The following RBFOX1 variants were observed in gnomAD, a reference collection of about 807,000 sequenced individuals.
RBFOX1 encodes the protein RNA binding fox-1 homolog 1.
Under a neutral mutation model 57.7 loss-of-function variants are expected in RBFOX1, and 8 were observed. The ratio of observed to expected loss-of-function variants is 0.14; its 90% CI spans 0.08 to 0.25. The LOEUF (loss-of-function observed/expected upper bound fraction) is 0.25, where lower values mean the gene tolerates loss of function less well. RBFOX1 is among the 10% of genes least tolerant of loss of function. The probability of loss-of-function intolerance (pLI) is 1.00; values close to 1 mark genes in which losing one functional copy is unlikely to be tolerated. For synonymous variants in RBFOX1, 326 were observed against 222.4 expected, an observed-to-expected ratio of 1.47 and a Z score of -4.15; for missense variants, 611 against 548.5, an observed-to-expected ratio of 1.11 and a Z score of -1.14.
Position 6,097,811 on chromosome 16 carries a change from T to G in RBFOX1, c.-127+77819T>G, listed in dbSNP as rs958574959. On this transcript the variant is annotated intron_variant, in intron 1 of 15. Transcript: ENST00000550418. The surrounding 1 kb of genome is among the most constrained non-coding windows in gnomAD (Gnocchi z 5.0). ...CCAAAATTCTTATTTATTTATTTTC[T>G]ATCACCGTACTTACTGGTGGAGTGG... Among the ~76,000 whole-genome samples, 4 of 152,098 alleles carry G rather than the reference T, an allele frequency of 2.6e-5. No homozygotes were observed. The highest frequency in any genetic ancestry group is 4.8e-5 in the African/African-American group (2 of 41,400).
At chr16:7,062,424 C>T (rs931835038) in intron 4 of RBFOX1, among the ~76,000 whole-genome samples, 1 of 151,654 alleles carries the variant, frequency 6.6e-6, no homozygotes, top group African/African-American at 2.4e-5. Context: ...TTACCCTGTG[C>T]TTGTATGTGG....
At chr16:7,241,950 C>T (rs147387998) in intron 4 of RBFOX1, among the ~76,000 whole-genome samples, 5 of 151,920 alleles carry the variant, frequency 3.3e-5, no homozygotes, top group African/African-American at 1.2e-4. Context: ...TCTGCATATG[C>T]GTGTGTATAT....
intron 4 of RBFOX1, among the ~76,000 whole-genome samples, chr16:7,313,297 G>T (rs1451207955): frequency 1.3e-5 from 2 of 151,992 alleles, no homozygotes; most frequent in African/African-American, 4.8e-5. Flanking sequence ...TCCCCCTAAG[G>T]GTTTGCAATG....
rs200340078 is a variant in RBFOX1, at chr16:6,621,188, G to A, written c.-63-33415G>A. ...TATAAAAACACTAGTCAGGCCGGGCGCGGTGGCTCACGCCTGTATTCCCAG... is the reference window on the plus strand; with the variant it reads ...TATAAAAACACTAGTCAGGCCGGGCACGGTGGCTCACGCCTGTATTCCCAG... On this transcript the variant is annotated intron_variant, in intron 2 of 15. Transcript: ENST00000550418. Among the ~76,000 whole-genome samples, 59 of 152,300 alleles carry A rather than the reference G, an allele frequency of 3.9e-4. No homozygotes were observed. In the East Asian group the frequency reaches 7.5e-3, roughly 19 times the overall value.
At chr16:6,957,152 G>C (rs987770238) in intron 3 of RBFOX1, among the ~76,000 whole-genome samples, 7 of 55,160 alleles carry the variant, frequency 1.3e-4, no homozygotes, top group Admixed American at 2.9e-4. Flanking sequence ...TTATTTTTGA[G>C]ATGGAGTCTT....
chr16:6,962,429 C>G (rs1422990248), intron 3 of RBFOX1, among the ~76,000 whole-genome samples: 2 of 152,162 alleles, frequency 1.3e-5, no homozygotes, highest in Non-Finnish European at 2.9e-5. Context: ...ACCTGTGCAA[C>G]TTTTTCTGTT....
At chr16:6,571,996 A>G (rs2153952933) in intron 2 of RBFOX1, among the ~76,000 whole-genome samples, 1 of 152,270 alleles carries the variant, frequency 6.6e-6, no homozygotes, top group South Asian at 2.1e-4. Flanking sequence ...AGCCTTTCAC[A>G]TTTTTATACC....
In RBFOX1 at chr16:5,390,413, T is replaced by C. The variant is rs187232467; in HGVS notation, c.220-76803T>C. The stretch of plus-strand genomic sequence containing the variant: ...AAGCGATTCTCCTGCCTCAGCCTCC[T>C]GAGTAGCTGGGATTACAGGCGCCCA... On this transcript the variant is annotated intron_variant, in intron 1 of 2. Coordinates refer to the RBFOX1 transcript ENST00000585867. Among the ~76,000 whole-genome samples, 1,178 of 151,728 alleles carry C rather than the reference T, an allele frequency of 7.8e-3. 19 individuals carry two copies. The highest frequency in any genetic ancestry group is 0.026 in the African/African-American group (1,091 of 41,348).
intron 2 of RBFOX1, among the ~76,000 whole-genome samples, chr16:5,585,711 G>A (rs2046808576): frequency 6.6e-6 from 1 of 152,224 alleles, no homozygotes; most frequent in South Asian, 2.1e-4. Flanking sequence ...GACCACTGCA[G>A]CATTTATGCA....
At chr16:7,084,601 A>C (rs1378575593) in intron 4 of RBFOX1, among the ~76,000 whole-genome samples, 2 of 152,182 alleles carry the variant, frequency 1.3e-5, no homozygotes, top group Admixed American at 6.5e-5. Flanking sequence ...TGTGAGAGGT[A>C]TAAAGGATTT....
At position 6,182,853 on chromosome 16, in the gene RBFOX1, G is replaced by A. The variant is rs2097075066; in HGVS notation, c.-126-134142G>A. ...TTAATGAAAATATTTAGCTTGTGAA[G>A]AATAGAACACATTCTCAAGAGTTGA... On this transcript the variant is annotated intron_variant, in intron 1 of 15. Coordinates refer to ENST00000550418, the MANE Select transcript of RBFOX1 (RefSeq NM_018723.4). Among the ~76,000 whole-genome samples, 4 of 152,080 alleles carry A rather than the reference G, an allele frequency of 2.6e-5. No individual in the cohort carries two copies. In the South Asian group the frequency reaches 8.3e-4, roughly 31 times the overall value.
At chr16:7,144,667 A>G (rs1052296160) in intron 4 of RBFOX1, among the ~76,000 whole-genome samples, 6 of 152,076 alleles carry the variant, frequency 3.9e-5, no homozygotes, top group African/African-American at 1.4e-4. Context: ...AGCATTCATT[A>G]AATGATGGTT....
intron 1 of RBFOX1, among the ~76,000 whole-genome samples, chr16:5,359,203 T>C (rs2151333192): frequency 6.6e-6 from 1 of 152,358 alleles, no homozygotes; most frequent in Middle Eastern, 3.4e-3. Context: ...ATTTTCTTTA[T>C]CCATTCATCT....
At chr16:7,254,436 C>T (rs538751035) in intron 4 of RBFOX1, among the ~76,000 whole-genome samples, 1 of 152,050 alleles carries the variant, frequency 6.6e-6, no homozygotes, top group Admixed American at 6.6e-5. Flanking sequence ...TATCACTGGC[C>T]TGATTAAACA....
At chr16:7,447,282 A>G (rs2098816241) in intron 4 of RBFOX1, among the ~76,000 whole-genome samples, 1 of 151,858 alleles carries the variant, frequency 6.6e-6, no homozygotes, top group Admixed American at 6.6e-5. Flanking sequence ...AAAATACAAA[A>G]ATTAGCCAGC....
intron 3 of RBFOX1, among the ~76,000 whole-genome samples, chr16:5,739,037 C>A (rs1177218714): frequency 6.6e-6 from 1 of 152,212 alleles, no homozygotes; most frequent in Non-Finnish European, 1.5e-5. Context: ...TTAGAAAAAA[C>A]TCTTTTTTGC....
chr16:5,981,200 G>A (rs528895634), intron 4 of RBFOX1, among the ~76,000 whole-genome samples: 1 of 152,326 alleles, frequency 6.6e-6, no homozygotes, highest in South Asian at 2.1e-4. Context: ...TACAGGCTCT[G>A]CGCCTTGGCA....
chr16:6,868,558 G>T (rs912117776), intron 3 of RBFOX1, among the ~76,000 whole-genome samples: 1 of 151,978 alleles, frequency 6.6e-6, no homozygotes, highest in Admixed American at 6.6e-5. Flanking sequence ...TGCAACCTCT[G>T]CTTCCTGGGT....
intron 3 of RBFOX1, among the ~76,000 whole-genome samples, chr16:5,809,897 C>G (rs1351303889): frequency 6.6e-6 from 1 of 152,016 alleles, no homozygotes; most frequent in Admixed American, 6.6e-5. Context: ...GCGGCACTAT[C>G]CACAATAGCA....
Sources: allele counts gnomAD v4.1 joint callset (sites outside exome capture counted in the v4.1 genomes callset), GRCh38; gene constraint gnomAD v4.1.1; non-coding constraint Gnocchi (gnomAD v3.1); transcripts MANE v1.5; gene names NCBI Gene and HGNC (gene_info 2026-07-23, HGNC 2026-07-21).